The following CCDC171 variants were observed in gnomAD, a reference collection of about 807,000 sequenced individuals.
CCDC171 encodes coiled-coil domain containing 171.
A neutral mutation model predicts 168.2 loss-of-function variants in CCDC171; 177 were observed. The ratio of observed to expected loss-of-function variants is 1.05; its 90% confidence interval spans 0.93 to 1.19. CCDC171 has a LOEUF of 1.19. CCDC171 is among the 50% of genes most tolerant of loss of function. CCDC171 has a pLI of 0.00. For missense variants in CCDC171, 1,991 were observed against 1,539.0 expected, an observed-to-expected ratio of 1.29 and a Z score of -4.91; for synonymous variants, 687 against 540.8, an observed-to-expected ratio of 1.27 and a Z score of -3.75.
At chr9:15,841,939 A>T (rs2066292) in intron 21 of CCDC171, among the ~76,000 whole-genome samples, 1 of 151,692 alleles carries the variant, frequency 6.6e-6, no homozygotes, top group African/African-American at 2.4e-5. Context: ...GTTACATAAC[A>T]GTAGGGCTGA....
intron 16 of CCDC171, among the ~76,000 whole-genome samples, chr9:15,734,860 T>G (rs2054386532): frequency 1.3e-5 from 2 of 152,124 alleles, no homozygotes; most frequent in South Asian, 4.1e-4. Context: ...TTATATAGGA[T>G]TGTGAGTTAT....
At chr9:16,061,988 A>T (rs1024961387), downstream of CCDC171, among the ~76,000 whole-genome samples, 1 of 152,148 alleles carries the variant, frequency 6.6e-6, no homozygotes, top group African/African-American at 2.4e-5. Flanking sequence ...CAGCTCAAAA[A>T]TTTTTAAAAA....
chr9:15,964,371 T>G (rs766592922), intron 25 of CCDC171, among the ~76,000 whole-genome samples: 4 of 152,226 alleles, frequency 2.6e-5, no homozygotes, highest in Non-Finnish European at 5.9e-5. Context: ...TATGCTTGTT[T>G]TTATTTATTT....
At chr9:16,005,856 A>G (rs559869469) in intron 3 of CCDC171, among the ~76,000 whole-genome samples, 4 of 152,252 alleles carry the variant, frequency 2.6e-5, no homozygotes, top group Non-Finnish European at 4.4e-5. Flanking sequence ...TACCTAAGAA[A>G]GTCACATGGT....
At chr9:15,707,467 T>G (rs748543296) in intron 11 of CCDC171, among the ~76,000 whole-genome samples, 1 of 152,262 alleles carries the variant, frequency 6.6e-6, no homozygotes. Context: ...ATAGTTGGAA[T>G]AAAGTGAGAC....
intron 3 of CCDC171, among the ~76,000 whole-genome samples, chr9:15,993,126 C>T (rs1233713941): frequency 1.3e-5 from 2 of 151,870 alleles, no homozygotes; most frequent in Non-Finnish European, 2.9e-5. Context: ...AAAAAGAGCC[C>T]TCATTGCCAA....
chr9:15,751,792 A>G (rs1267636757), intron 18 of CCDC171, among the ~76,000 whole-genome samples: 1 of 152,214 alleles, frequency 6.6e-6, no homozygotes, highest in African/African-American at 2.4e-5. Flanking sequence ...GTAAGACCTA[A>G]AACCATAAAA....
chr9:15,637,294 A>G (rs938874989), intron 7 of CCDC171, among the ~76,000 whole-genome samples: 3 of 152,116 alleles, frequency 2.0e-5, no homozygotes, highest in African/African-American at 7.2e-5. Flanking sequence ...AATGCACACA[A>G]AAAAGAAAAT....
intron 6 of CCDC171, among the ~76,000 whole-genome samples, chr9:15,606,038 A>T (rs535813516): frequency 4.7e-4 from 72 of 152,304 alleles, no homozygotes; most frequent in African/African-American, 1.6e-3. Flanking sequence ...CGTTTAATTT[A>T]TAAATTAGGC....
intron 21 of CCDC171, among the ~76,000 whole-genome samples, chr9:15,822,519 G>T (rs2059824316): frequency 6.6e-6 from 1 of 152,138 alleles, no homozygotes; most frequent in Non-Finnish European, 1.5e-5. Context: ...GAACAAGTGG[G>T]CGAAGGATAT....
At chr9:15,595,743 A>C (rs562054035) in intron 6 of CCDC171, among the ~76,000 whole-genome samples, 18 of 152,276 alleles carry the variant, frequency 1.2e-4, no homozygotes, top group African/African-American at 4.3e-4. Context: ...ACAATGATTG[A>C]GCTAGTTTAC....
intron 15 of CCDC171, among the ~76,000 whole-genome samples, chr9:15,729,061 G>T (rs761437952): frequency 1.3e-5 from 2 of 152,068 alleles, no homozygotes; most frequent in South Asian, 2.1e-4. Context: ...GAAAATTAAA[G>T]ATAATTAAAA....
chr9:15,986,337 T>G (rs1020484551), intron 3 of CCDC171, among the ~76,000 whole-genome samples: 1 of 152,212 alleles, frequency 6.6e-6, no homozygotes, highest in Non-Finnish European at 1.5e-5. Context: ...TTGAGTATAC[T>G]TCAAAGATGC....
At chr9:15,922,986 A>C (rs1251328850) in intron 25 of CCDC171, among the ~76,000 whole-genome samples, 1 of 151,576 alleles carries the variant, frequency 6.6e-6, no homozygotes, top group Non-Finnish European at 1.5e-5. Context: ...ATAGCTTGCA[A>C]ATATTTTCTC....
intron 3 of CCDC171, among the ~76,000 whole-genome samples, chr9:16,014,668 G>C (rs1021291789): frequency 6.6e-6 from 1 of 152,128 alleles, no homozygotes; most frequent in African/African-American, 2.4e-5. Flanking sequence ...GTGTTTGCAG[G>C]CATAATAACA....
At chr9:16,050,210 C>T (rs1216026749) in intron 1 of CCDC171, among the ~76,000 whole-genome samples, 2 of 152,136 alleles carry the variant, frequency 1.3e-5, no homozygotes, top group African/African-American at 4.8e-5. Context: ...TCTTACAGCA[C>T]AATGGAAGAT....
chr9:15,553,537 G>C (rs2038512392), intron 1 of CCDC171: 1 of 152,564 alleles, frequency 6.6e-6, no homozygotes, highest in Non-Finnish European at 1.5e-5. Flanking sequence ...GGACCAGAGG[G>C]GAGGCAGAGG....
At chr9:15,950,073 C>T (rs551684175) in intron 25 of CCDC171, among the ~76,000 whole-genome samples, 7 of 151,918 alleles carry the variant, frequency 4.6e-5, no homozygotes, top group South Asian at 2.1e-4. Flanking sequence ...GAAGTTTAGA[C>T]GAAAAAGAAT....
chr9:16,027,014 A>G (rs1053440619), intron 6 of CCDC171, among the ~76,000 whole-genome samples: 7 of 152,204 alleles, frequency 4.6e-5, no homozygotes, highest in African/African-American at 1.7e-4. Flanking sequence ...CCTCGGGCTT[A>G]TGAGCTATCA....
Sources: allele counts gnomAD v4.1 joint callset (sites outside exome capture counted in the v4.1 genomes callset), GRCh38; gene constraint gnomAD v4.1.1; transcripts MANE v1.5; gene names NCBI Gene and HGNC (gene_info 2026-07-23, HGNC 2026-07-21).